Variants in DCC observed in about 807,000 individuals in gnomAD.
DCC encodes DCC netrin 1 receptor, also known as netrin receptor DCC.
In DCC, 58 loss-of-function variants were observed where a neutral mutation model predicts 172.5. That is an observed-to-expected ratio of 0.34 (90% CI 0.27 to 0.42). The LOEUF (loss-of-function observed/expected upper bound fraction) is 0.42, where lower values mean the gene tolerates loss of function less well. DCC is among the 10% of genes least tolerant of loss of function. The probability of loss-of-function intolerance (pLI) is 1.00; values close to 1 mark genes in which losing one functional copy is unlikely to be tolerated. For synonymous variants in DCC, 709 were observed against 644.5 expected, an observed-to-expected ratio of 1.10 and a Z score of -1.52; for missense variants, 1,740 against 1,791.0, an observed-to-expected ratio of 0.97 and a Z score of 0.51.
chr18:53,300,962 ATTCTTTCTTTCT>A (rs372885437), intron 12 of DCC, among the ~76,000 whole-genome samples: 1 of 120,194 alleles, frequency 8.3e-6, no homozygotes, highest in Non-Finnish European at 1.9e-5. Flanking sequence ...TTCTGGATTC[ATTCTTTCTTTCT>A]TTCTTTCTTT....
chr18:53,499,963 C>T (rs780873177), intron 27 of DCC, among the ~76,000 whole-genome samples: 1 of 152,124 alleles, frequency 6.6e-6, no homozygotes, highest in Non-Finnish European at 1.5e-5. Context: ...CTCAGGAGTT[C>T]TTATTTATTT....
At chr18:52,748,723 A>T (rs1423236345) in intron 1 of DCC, among the ~76,000 whole-genome samples, 3 of 152,188 alleles carry the variant, frequency 2.0e-5, no homozygotes, top group Non-Finnish European at 4.4e-5. Flanking sequence ...TTGCTTGGAT[A>T]ACTGGAGAGT....
intron 1 of DCC, among the ~76,000 whole-genome samples, chr18:52,658,287 T>C (rs1179015453): frequency 6.6e-6 from 1 of 152,238 alleles, no homozygotes; most frequent in Non-Finnish European, 1.5e-5. Flanking sequence ...ATTTCATTCC[T>C]AGCATTTTGA....
intron 7 of DCC, among the ~76,000 whole-genome samples, chr18:53,078,491 T>C (rs1008780014): frequency 6.6e-6 from 1 of 152,170 alleles, no homozygotes; most frequent in African/African-American, 2.4e-5. Flanking sequence ...GATGGTAGTG[T>C]CATTTGCCAC....
At chr18:52,629,688 C>G (rs934554809) in intron 1 of DCC, among the ~76,000 whole-genome samples, 1 of 151,986 alleles carries the variant, frequency 6.6e-6, no homozygotes, top group Non-Finnish European at 1.5e-5. Flanking sequence ...CGGTGGCTCA[C>G]GCCTGTAATC....
intron 2 of DCC, among the ~76,000 whole-genome samples, chr18:52,808,221 TAA>T (rs1302137856): frequency 6.6e-6 from 1 of 152,220 alleles, no homozygotes; most frequent in Non-Finnish European, 1.5e-5. Context: ...TTGCTATGTC[TAA>T]AAGGTCTTGT....
intron 12 of DCC, among the ~76,000 whole-genome samples, chr18:53,233,298 C>T (rs1435766688): frequency 6.6e-6 from 1 of 152,180 alleles, no homozygotes; most frequent in Non-Finnish European, 1.5e-5. Flanking sequence ...TCATGTAATT[C>T]ACAAAAATAA....
At chr18:52,742,483 G>A (rs1568075986) in intron 1 of DCC, among the ~76,000 whole-genome samples, 1 of 152,134 alleles carries the variant, frequency 6.6e-6, no homozygotes, top group African/African-American at 2.4e-5. Context: ...TTTGTTCCCA[G>A]CCTTGAATAA....
chr18:52,700,296 C>A (rs144729477), intron 1 of DCC, among the ~76,000 whole-genome samples: 345 of 122,142 alleles, frequency 2.8e-3, no homozygotes, highest in Non-Finnish European at 4.6e-3. Context: ...ACATGCACAT[C>A]CACACACACA....
At chr18:53,034,952 C>A (rs761682931) in intron 5 of DCC, among the ~76,000 whole-genome samples, 1 of 152,102 alleles carries the variant, frequency 6.6e-6, no homozygotes, top group Non-Finnish European at 1.5e-5. Flanking sequence ...CCTAGCTAGT[C>A]CTTCCCACTT....
At chr18:52,799,601 T>G (rs1371072771) in intron 2 of DCC, among the ~76,000 whole-genome samples, 1 of 152,168 alleles carries the variant, frequency 6.6e-6, no homozygotes, top group Non-Finnish European at 1.5e-5. Flanking sequence ...TACCTAAAGT[T>G]AATTCCACTT....
At chr18:53,194,055 G>T (rs1451733283) in intron 9 of DCC, among the ~76,000 whole-genome samples, 1 of 152,156 alleles carries the variant, frequency 6.6e-6, no homozygotes, top group African/African-American at 2.4e-5. Context: ...TTTTGAGAAA[G>T]GTTGCTGGGT....
chr18:52,788,289 C>T (rs966632297), intron 2 of DCC, among the ~76,000 whole-genome samples: 1 of 152,120 alleles, frequency 6.6e-6, no homozygotes, highest in African/African-American at 2.4e-5. Flanking sequence ...ACACATGTTG[C>T]ACTGTTAACT....
At chr18:53,149,133 T>G (rs1397622795) in intron 7 of DCC, among the ~76,000 whole-genome samples, 2 of 152,022 alleles carry the variant, frequency 1.3e-5, no homozygotes, top group African/African-American at 4.8e-5. Context: ...ACTGCTGGGA[T>G]TACAGGCATG....
chr18:53,207,880 A>G, intron 11 of DCC, 63 bp downstream of exon 11: 1 of 1,381,512 alleles, frequency 7.2e-7, no homozygotes, highest in South Asian at 1.2e-5. Context: ...TAATGACATG[A>G]TATTGCACAT....
intron 8 of DCC, among the ~76,000 whole-genome samples, chr18:53,165,215 C>T: frequency 1.3e-5 from 2 of 152,282 alleles, no homozygotes; most frequent in South Asian, 4.1e-4. Flanking sequence ...AGGTCACACA[C>T]TGTTTTGTGG....
At chr18:52,752,986 T>C (rs1371152918) in intron 2 of DCC, among the ~76,000 whole-genome samples, 1 of 147,502 alleles carries the variant, frequency 6.8e-6, no homozygotes, top group Non-Finnish European at 1.5e-5. Context: ...GTATATCATA[T>C]ATACACACAC....
chr18:53,307,510 C>T (rs1220672626), intron 13 of DCC, among the ~76,000 whole-genome samples: 1 of 151,980 alleles, frequency 6.6e-6, no homozygotes, highest in Non-Finnish European at 1.5e-5. Flanking sequence ...CCAAGCTCTT[C>T]CAGACATAGA....
chr18:52,922,534 A>G (rs1198266450), intron 3 of DCC, among the ~76,000 whole-genome samples: 1 of 152,160 alleles, frequency 6.6e-6, no homozygotes, highest in African/African-American at 2.4e-5. Flanking sequence ...CTTTGCATCC[A>G]GATTTTGCTT....
Sources: gnomAD v4.1 joint callset for allele counts (sites outside exome capture counted in the v4.1 genomes callset) on GRCh38, gnomAD v4.1.1 for gene constraint, MANE v1.5 for transcripts, NCBI Gene and HGNC (gene_info 2026-07-23, HGNC 2026-07-21) for gene names.